The following NEGR1 variants were observed in gnomAD, a reference collection of about 807,000 sequenced individuals.
NEGR1 encodes neuronal growth regulator 1.
A neutral mutation model predicts 40.9 loss-of-function variants in NEGR1; 10 were observed. The observed-to-expected ratio is 0.24, with a 90% CI of 0.15 to 0.42. The LOEUF (loss-of-function observed/expected upper bound fraction) is 0.42. Among genes scored for constraint, NEGR1 ranks in the 10% least tolerant of loss-of-function variants. The pLI is 1.00. For synonymous variants in NEGR1, 185 were observed against 166.8 expected (o/e 1.11, Z -0.84); for missense variants, 352 against 438.9 (o/e 0.80, Z 1.77).
rs117899418 is a variant in NEGR1 at position 71,850,957 on chromosome 1, A to G, written c.410-74660T>C. Among the ~76,000 whole-genome samples, 21 of 152,286 alleles carry G rather than the reference A, an allele frequency of 1.4e-4. No individual in the cohort carries two copies. In the East Asian group the frequency reaches 3.7e-3, roughly 27 times the overall value. ...TCTGATTCAGGATTTAGAAAAGGGT[A>G]GTCTCATGGACCATGTGCCAGACTA... On this transcript the variant is annotated intron_variant, in intron 2 of 6. Coordinates refer to ENST00000357731, the MANE Select transcript of NEGR1 (RefSeq NM_173808.3).
intron 1 of NEGR1, among the ~76,000 whole-genome samples, chr1:72,228,645 C>A (rs538070301): frequency 6.6e-6 from 1 of 152,196 alleles, no homozygotes; most frequent in Admixed American, 6.6e-5. Context: ...GTAAGATATA[C>A]TAAGTGGCCT....
chr1:71,746,924 TA>T (rs1470928449), intron 3 of NEGR1, among the ~76,000 whole-genome samples: 1 of 152,224 alleles, frequency 6.6e-6, no homozygotes, highest in Non-Finnish European at 1.5e-5. Flanking sequence ...AAAAATGGAA[TA>T]TTGGCTGTCT....
chr1:71,447,764 G>A (rs984554694), intron 6 of NEGR1, among the ~76,000 whole-genome samples: 5 of 152,130 alleles, frequency 3.3e-5, no homozygotes, highest in Admixed American at 6.5e-5. Flanking sequence ...CTTCATCGTC[G>A]TGTTCACAAT....
chr1:71,587,584 G>A (rs1649348367), intron 6 of NEGR1, among the ~76,000 whole-genome samples: 1 of 152,046 alleles, frequency 6.6e-6, no homozygotes, highest in African/African-American at 2.4e-5. Context: ...TCCTTTGAAT[G>A]TGTTATGTGT....
chr1:71,445,231 T>C (rs1646572907), intron 6 of NEGR1, among the ~76,000 whole-genome samples: 1 of 152,058 alleles, frequency 6.6e-6, no homozygotes, highest in Non-Finnish European at 1.5e-5. Flanking sequence ...TCTTAAATCT[T>C]GTCTTCTCAG....
intron 1 of NEGR1, among the ~76,000 whole-genome samples, chr1:72,002,571 T>C (rs1244685822): frequency 6.6e-6 from 1 of 152,136 alleles, no homozygotes; most frequent in Non-Finnish European, 1.5e-5. Context: ...GAATTATAAT[T>C]GTTTGGTAGA....
chr1:72,103,050 G>T (rs966813747), intron 1 of NEGR1, among the ~76,000 whole-genome samples: 3 of 152,064 alleles, frequency 2.0e-5, no homozygotes, highest in Non-Finnish European at 4.4e-5. Flanking sequence ...TTTATCATTT[G>T]TCACTCTGTT....
At chr1:71,762,401 T>C (rs1422050769) in intron 3 of NEGR1, among the ~76,000 whole-genome samples, 2 of 152,102 alleles carry the variant, frequency 1.3e-5, no homozygotes, top group Non-Finnish European at 2.9e-5. Flanking sequence ...AGAATGCATA[T>C]GTTGTATCAA....
intron 4 of NEGR1, among the ~76,000 whole-genome samples, chr1:71,664,092 T>A (rs1241668984): frequency 6.6e-6 from 1 of 152,198 alleles, no homozygotes; most frequent in Admixed American, 6.5e-5. Flanking sequence ...GACATCCTTT[T>A]TGTGTGTGAT....
chr1:72,059,967 G>A (rs1466780485), intron 1 of NEGR1, among the ~76,000 whole-genome samples: 1 of 151,604 alleles, frequency 6.6e-6, no homozygotes, highest in Non-Finnish European at 1.5e-5. Context: ...CTCCATGACA[G>A]TGCCTGAAGC....
chr1:72,063,906 G>A (rs1334471315), intron 1 of NEGR1, among the ~76,000 whole-genome samples: 1 of 151,870 alleles, frequency 6.6e-6, no homozygotes, highest in African/African-American at 2.4e-5. Flanking sequence ...AGTCGGCCAA[G>A]TGTTAGCTTT....
intron 6 of NEGR1, among the ~76,000 whole-genome samples, chr1:71,589,484 TAGA>T (rs898815695): frequency 2.0e-5 from 3 of 152,168 alleles, no homozygotes; most frequent in African/African-American, 7.2e-5. Flanking sequence ...AGCTACCTAT[TAGA>T]CATTGCCTCA....
At chr1:71,600,641 A>C (rs1273988202) in intron 5 of NEGR1, among the ~76,000 whole-genome samples, 2 of 152,218 alleles carry the variant, frequency 1.3e-5, no homozygotes, top group African/African-American at 4.8e-5. Flanking sequence ...GAAATATTTC[A>C]GGATAGCCAC....
At chr1:71,877,134 C>A (rs181259255) in intron 2 of NEGR1, among the ~76,000 whole-genome samples, 3 of 148,284 alleles carry the variant, frequency 2.0e-5, no homozygotes, top group Non-Finnish European at 4.5e-5. Context: ...GTAGGTAGCA[C>A]GACAAAAACA....
chr1:71,720,757 G>A (rs1262392762), intron 3 of NEGR1, among the ~76,000 whole-genome samples: 1 of 152,094 alleles, frequency 6.6e-6, no homozygotes, highest in African/African-American at 2.4e-5. Context: ...TTTAATGAGG[G>A]TTACTGAATA....
intron 6 of NEGR1, among the ~76,000 whole-genome samples, chr1:71,512,726 T>A (rs1647084153): frequency 6.6e-6 from 1 of 151,926 alleles, no homozygotes; most frequent in African/African-American, 2.4e-5. Context: ...GGATTGCAGG[T>A]GCCCACCACC....
intron 2 of NEGR1, among the ~76,000 whole-genome samples, chr1:71,833,514 T>C (rs1414678787): frequency 6.6e-6 from 1 of 151,256 alleles, no homozygotes; most frequent in African/African-American, 2.5e-5. Flanking sequence ...TTTTATGAGC[T>C]GGAAGCAATG....
At chr1:71,621,470 C>A (rs1411131487) in intron 4 of NEGR1, among the ~76,000 whole-genome samples, 4 of 151,448 alleles carry the variant, frequency 2.6e-5, no homozygotes, top group Non-Finnish European at 5.9e-5. Flanking sequence ...TTCTTTTTCA[C>A]AAGAAAGACA....
rs138766168 is a variant in NEGR1 at position 72,184,757 on chromosome 1, C to A, written c.176+97562G>T. 5.1e-3 allele frequency among the ~76,000 whole-genome samples: 782 copies of A among 152,114 alleles called. 7 individuals are homozygous for A. Among genetic ancestry groups the A allele is most frequent in the African/African-American group, 0.018 (754 of 41,548 alleles). ...TACCTACTGAATCCAAGTTCCAGCT[C>A]TGAATTCCTGCTGAATTACTTATTA... On this transcript the variant is annotated intron_variant, in intron 1 of 6. Transcript: ENST00000357731.
Sources: gnomAD v4.1 joint callset for allele counts (sites outside exome capture counted in the v4.1 genomes callset) on GRCh38, gnomAD v4.1.1 for gene constraint, MANE v1.5 for transcripts, NCBI Gene and HGNC (gene_info 2026-07-23, HGNC 2026-07-21) for gene names.